SLC24A2: variants seen among roughly 807,000 people sequenced by gnomAD.
SLC24A2 encodes solute carrier family 24 member 2.
SLC24A2 carries 36 observed loss-of-function variants against 62.0 expected under a neutral mutation model. The observed-to-expected ratio is 0.58, with a 90% CI of 0.44 to 0.77. The LOEUF is 0.77. Ranked by LOEUF, SLC24A2 falls within the 30% of genes least tolerant of loss-of-function variation. The probability of loss-of-function intolerance (pLI) is 0.00; values close to 1 mark genes in which losing one functional copy is unlikely to be tolerated. For missense variants in SLC24A2, 846 were observed against 817.9 expected (o/e 1.03, Z -0.42); for synonymous variants, 358 against 294.0 (o/e 1.22, Z -2.23).
At chr9:19,996,503 G>T in the SLC24A2 span, among the ~76,000 whole-genome samples, 1 of 152,128 alleles carries the variant, frequency 6.6e-6, no homozygotes, top group Non-Finnish European at 1.5e-5. Context: ...ACTTTGGGAG[G>T]CTGAGGTGCG....
the SLC24A2 span, among the ~76,000 whole-genome samples, chr9:19,795,914 T>C: frequency 6.8e-6 from 1 of 146,336 alleles, no homozygotes; most frequent in Non-Finnish European, 1.5e-5. Context: ...ATGTGGCACA[T>C]ATACACCATG....
the SLC24A2 span, among the ~76,000 whole-genome samples, chr9:20,063,442 T>C: frequency 3.8e-5 from 5 of 130,178 alleles, no homozygotes; most frequent in African/African-American, 8.9e-5. Flanking sequence ...AATTGAACAA[T>C]GAGAACACAT....
At chr9:19,935,693 A>G in the SLC24A2 span, among the ~76,000 whole-genome samples, 1 of 152,146 alleles carries the variant, frequency 6.6e-6, no homozygotes, top group Non-Finnish European at 1.5e-5. Context: ...CGTTGCCTTT[A>G]CCAGAGCTGT....
chr9:19,788,778 G>A (rs1234156674), intron 1 of SLC24A2, 107 bp downstream of exon 1: 1 of 985,270 alleles, frequency 1.0e-6, no homozygotes, highest in Non-Finnish European at 1.2e-6. Context: ...CCACGGCAGA[G>A]CCACCTGTGA....
intron 2 of SLC24A2, among the ~76,000 whole-genome samples, chr9:19,641,479 C>T (rs184819311): frequency 6.6e-6 from 1 of 152,066 alleles, no homozygotes; most frequent in African/African-American, 2.4e-5. Context: ...TATTACAAAA[C>T]ATCTTCACAT....
At chr9:20,227,818 A>C in the SLC24A2 span, among the ~76,000 whole-genome samples, 1 of 152,110 alleles carries the variant, frequency 6.6e-6, no homozygotes, top group African/African-American at 2.4e-5. Flanking sequence ...ATACACACAC[A>C]TCTCCCAACA....
At chr9:19,762,793 CTT>C (rs58241037) in intron 2 of SLC24A2, among the ~76,000 whole-genome samples, 7,102 of 102,330 alleles carry the variant, frequency 0.069, 291 homozygotes, top group South Asian at 0.18. Flanking sequence ...GCTATATGTG[CTT>C]TTTTTTTTTT....
the SLC24A2 span, among the ~76,000 whole-genome samples, chr9:20,291,056 AAAC>A: frequency 6.6e-6 from 1 of 152,224 alleles, no homozygotes; most frequent in Non-Finnish European, 1.5e-5. Flanking sequence ...CTTGTGCAAT[AAAC>A]AACATGTACA....
At chr9:20,216,621 G>A in the SLC24A2 span, among the ~76,000 whole-genome samples, 2 of 152,178 alleles carry the variant, frequency 1.3e-5, no homozygotes, top group African/African-American at 2.4e-5. Flanking sequence ...ATCACTCCTG[G>A]GGCAGTGATG....
At chr9:20,068,384 C>T in the SLC24A2 span, among the ~76,000 whole-genome samples, 1 of 152,018 alleles carries the variant, frequency 6.6e-6, no homozygotes, top group Non-Finnish European at 1.5e-5. Context: ...TAATAATAGC[C>T]ATTCTGACTA....
chr9:19,885,515 T>C, the SLC24A2 span, among the ~76,000 whole-genome samples: 1 of 152,220 alleles, frequency 6.6e-6, no homozygotes, highest in South Asian at 2.1e-4. Flanking sequence ...CCCCATTTTA[T>C]AGATGAGGAA....
intron 2 of SLC24A2, among the ~76,000 whole-genome samples, chr9:19,783,776 C>T (rs1276911008): frequency 6.6e-6 from 1 of 152,160 alleles, no homozygotes; most frequent in Non-Finnish European, 1.5e-5. Flanking sequence ...TGTGACTGTG[C>T]TCTGGCATTT....
the SLC24A2 span, among the ~76,000 whole-genome samples, chr9:20,088,211 C>A: frequency 1.3e-5 from 2 of 152,256 alleles, no homozygotes; most frequent in African/African-American, 4.8e-5. Context: ...GTAGGCCGCA[C>A]TTCCATGGCA....
intron 2 of SLC24A2, among the ~76,000 whole-genome samples, chr9:19,676,534 T>C (rs1477961556): frequency 6.6e-6 from 1 of 152,224 alleles, no homozygotes; most frequent in East Asian, 1.9e-4. Context: ...TTCTATTTTT[T>C]TTCCCACAAT....
chr9:20,098,113 G>C, the SLC24A2 span, among the ~76,000 whole-genome samples: 1 of 152,142 alleles, frequency 6.6e-6, no homozygotes, highest in African/African-American at 2.4e-5. Context: ...TGGGGGAAAA[G>C]ACTCAAGGGT....
At chr9:20,056,362 T>C in the SLC24A2 span, among the ~76,000 whole-genome samples, 1 of 152,090 alleles carries the variant, frequency 6.6e-6, no homozygotes, top group South Asian at 2.1e-4. Context: ...GGAGAGGAAA[T>C]CAAAGTCACA....
Position 19,513,262 on chromosome 9 carries a change from C to T in SLC24A2, c.*2891G>A, listed in dbSNP as rs1340174964. 2 of 149,694 alleles carry T rather than the reference C, an allele frequency of 1.3e-5. No homozygotes were observed. Among genetic ancestry groups the T allele is most frequent in the East Asian group, 3.9e-4 (2 of 5,080 alleles). 9.3% of individuals were successfully genotyped at this position (149,694 alleles called of 1,614,324 possible). On this transcript the variant is annotated 3_prime_UTR_variant, in exon 11 of 11. Coordinates refer to ENST00000341998, the MANE Select transcript of SLC24A2 (RefSeq NM_020344.4). ...TAGAGATGACCTGTTTTGGAAACCA[C>T]GGTGTGGAAAGTTCTTATAATTATG...
chr9:19,560,923 AGAGAG>A (rs1835364539), intron 7 of SLC24A2, among the ~76,000 whole-genome samples: 4 of 51,286 alleles, frequency 7.8e-5, no homozygotes, highest in African/African-American at 2.7e-4. Flanking sequence ...ATATAGAGAG[AGAGAG>A]AGAGAGAGAG....
At chr9:19,760,348 A>G (rs1822281177) in intron 2 of SLC24A2, among the ~76,000 whole-genome samples, 1 of 152,086 alleles carries the variant, frequency 6.6e-6, no homozygotes, top group East Asian at 1.9e-4. Context: ...TACCACACAA[A>G]TGTACTATAA....
Sources: gnomAD v4.1 joint callset for allele counts (sites outside exome capture counted in the v4.1 genomes callset) on GRCh38, gnomAD v4.1.1 for gene constraint, MANE v1.5 for transcripts, NCBI Gene and HGNC (gene_info 2026-07-23, HGNC 2026-07-21) for gene names.